Variants in TTBK1 observed in about 807,000 individuals in gnomAD.
TTBK1 encodes tau tubulin kinase 1.
Under a neutral mutation model 108.5 loss-of-function variants are expected in TTBK1, and 34 were observed. The ratio of observed to expected loss-of-function variants is 0.31; its 90% CI spans 0.24 to 0.42. The LOEUF (loss-of-function observed/expected upper bound fraction) is 0.42. Among genes scored for constraint, TTBK1 ranks in the 10% least tolerant of loss-of-function variants. TTBK1 has a pLI of 1.00. For missense variants in TTBK1, 1,539 were observed against 1,826.0 expected, an observed-to-expected ratio of 0.84 and a Z score of 2.86; for synonymous variants, 809 against 795.1, an observed-to-expected ratio of 1.02 and a Z score of -0.29.
intron 5 of TTBK1, 30 bp from the exon 6 acceptor site, chr6:43,254,517 C>T (rs778170064): frequency 6.6e-7 from 1 of 1,521,804 alleles, no homozygotes; most frequent in South Asian, 1.3e-5. Context: ...GGTTGGGGCC[C>T]CCAGAGCTCA....
At chr6:43,267,966 A>G (rs1777727942) in intron 13 of TTBK1, among the ~76,000 whole-genome samples, 1 of 152,230 alleles carries the variant, frequency 6.6e-6, no homozygotes, top group Non-Finnish European at 1.5e-5. Context: ...GTGGAGATGC[A>G]AAGGTCTAGA....
Position 43,285,428 on chromosome 6 carries a change from G to A in TTBK1, c.*52G>A. On this transcript the variant is annotated 3_prime_UTR_variant, in exon 15 of 15. Transcript: ENST00000259750. The surrounding 1 kb of genome is among the most constrained non-coding windows in gnomAD (Gnocchi z 4.7). ...CCACCCTCACCCCGGCCCCCCACCCGCAGCCGGCCACACTGGAGCAGCTCC... is the reference window on the plus strand; with the variant it reads ...CCACCCTCACCCCGGCCCCCCACCCACAGCCGGCCACACTGGAGCAGCTCC... The A allele has an allele frequency of 3.7e-6, 2 of 544,614 alleles. No homozygotes were observed. Among genetic ancestry groups the A allele is most frequent in the Non-Finnish European group, 2.5e-6 (1 of 400,240 alleles). 33.7% of individuals were successfully genotyped at this position (544,614 alleles called of 1,614,324 possible).
chr6:43,259,831 T>TCAGC lies in TTBK1; in HGVS notation c.1424+125_1424+126insCAGC. 9.7e-7 allele frequency: 1 copy of TCAGC among 1,028,670 alleles called. No homozygotes were observed. Among genetic ancestry groups the TCAGC allele is most frequent in the Non-Finnish European group, 1.4e-6 (1 of 730,704 alleles). The allele number at this position is 1,028,670 out of a possible 1,614,324, so 63.7% of individuals were successfully genotyped here. A position where few individuals can be genotyped will look rare whatever the true frequency, so the allele number is the denominator to read the frequency against. On this transcript the variant is annotated intron_variant, in intron 12 of 14. Transcript: ENST00000259750. The surrounding 1 kb of genome is among the most constrained non-coding windows in gnomAD (Gnocchi z 6.7). ...ACCCTGGGAAGTGCTGAGAGGGTTA[T>TCAGC]ACTTGGGCCTGGGGTCAGACTCAGT...
rs757552906 is a variant in TTBK1, at chr6:43,253,094, G to A, written c.257-197G>A. 1.3e-5 allele frequency among the ~76,000 whole-genome samples: 2 copies of A among 152,128 alleles called. No individual in the cohort carries two copies. Among genetic ancestry groups the A allele is most frequent in the African/African-American group, 4.8e-5 (2 of 41,418 alleles). On this transcript the variant is annotated intron_variant, in intron 3 of 14. Coordinates refer to ENST00000259750, the MANE Select transcript of TTBK1 (RefSeq NM_032538.3). The surrounding 1 kb of genome is among the most constrained non-coding windows in gnomAD (Gnocchi z 5.8). ...TAAGACAGTGATGGGGCAGGAGGCCGGGTTGGTGATCAAGGAAGTAATCGA... is the reference window on the plus strand; with the variant it reads ...TAAGACAGTGATGGGGCAGGAGGCCAGGTTGGTGATCAAGGAAGTAATCGA...
Position 43,278,304 on chromosome 6 carries a change from A to G in TTBK1, c.1987-4423A>G, listed in dbSNP as rs142914231. 1.4e-3 allele frequency among the ~76,000 whole-genome samples: 215 copies of G among 152,164 alleles called. 5 individuals are homozygous for G. The highest frequency in any genetic ancestry group is 0.012 in the Admixed American group (189 of 15,288). ...CTTGGGCTGGGCTCTTGAGCTGGTG[A>G]GGCCTAGCCCTCTAGATGAGGCACA... On this transcript the variant is annotated intron_variant, in intron 13 of 14. Transcript: ENST00000259750.
chr6:43,271,558 A>G (rs748303243), intron 13 of TTBK1: 2 of 985,084 alleles, frequency 2.0e-6, no homozygotes, highest in Non-Finnish European at 2.4e-6. Context: ...TGCTTGGCCC[A>G]TCAATTCCCC....
Position 43,265,362 on chromosome 6 carries a change from C to T in TTBK1, c.1986+2012C>T, listed in dbSNP as rs147317630. The stretch of plus-strand genomic sequence containing the variant: ...AGACCCCATCCCTATCTAGAGGTCC[C>T]TTCTAGAAGAGAGGACCTCTGAGCT... On this transcript the variant is annotated intron_variant, in intron 13 of 14. Transcript: ENST00000259750. This position sits in a 1 kb window ranked among gnomAD's most constrained non-coding sequence, Gnocchi z 4.1. Among the ~76,000 whole-genome samples, 6 of 152,284 alleles carry T rather than the reference C, an allele frequency of 3.9e-5. No individual in the cohort carries two copies. The East Asian group carries it at 1.2e-3, about 29-fold the overall frequency.
At chr6:43,270,090 A>G in intron 13 of TTBK1, 3 of 1,404,266 alleles carry the variant, frequency 2.1e-6, no homozygotes, top group Non-Finnish European at 9.2e-7. Context: ...GCCCCCCTAG[A>G]ACGTTGGCCC....
chr6:43,271,652 C>T, intron 13 of TTBK1: 1 of 985,348 alleles, frequency 1.0e-6, no homozygotes, highest in Non-Finnish European at 1.2e-6. Context: ...TGCCCTGGAG[C>T]CAAACTGTCC....
Position 43,282,227 on chromosome 6 carries a change from G to A in TTBK1, c.1987-500G>A, listed in dbSNP as rs1315514925. On this transcript the variant is annotated intron_variant, in intron 13 of 14. Coordinates refer to ENST00000259750, the MANE Select transcript of TTBK1 (RefSeq NM_032538.3). This position sits in a 1 kb window ranked among gnomAD's most constrained non-coding sequence, Gnocchi z 5.4. ...CTGCACACCCTGAGGTGGTACTGAGGGCATCTAGGAGCCAGCCCGGCACAG... is the reference window on the plus strand; with the variant it reads ...CTGCACACCCTGAGGTGGTACTGAGAGCATCTAGGAGCCAGCCCGGCACAG... Among the ~76,000 whole-genome samples the A allele has an allele frequency of 1.3e-5, 2 of 152,174 alleles. No homozygotes were observed. Among genetic ancestry groups the A allele is most frequent in the East Asian group, 3.9e-4 (2 of 5,192 alleles).
chr6:43,269,858 C>A lies in TTBK1; in HGVS notation c.1986+6508C>A. ...CGCCCCACCGGCGCCACGCGCCCCT[C>A]GCTGCTGGCAACCACAGACTCATGC... On this transcript the variant is annotated intron_variant, in intron 13 of 14. Coordinates refer to ENST00000259750, the MANE Select transcript of TTBK1 (RefSeq NM_032538.3). This position sits in a 1 kb window ranked among gnomAD's most constrained non-coding sequence, Gnocchi z 4.8. The A allele has an allele frequency of 6.5e-7, 1 of 1,533,840 alleles. No individual in the cohort carries two copies. Among genetic ancestry groups the A allele is most frequent in the Non-Finnish European group, 8.7e-7 (1 of 1,145,470 alleles).
chr6:43,270,784 TAGA>T lies in TTBK1; in HGVS notation c.1986+7437_1986+7439del, dbSNP rs375587679. On this transcript the variant is annotated intron_variant, in intron 13 of 14. Coordinates refer to ENST00000259750, the MANE Select transcript of TTBK1 (RefSeq NM_032538.3). ...AACTGAGCAACGAGGAGACCCAGCT[TAGA>T]AGCAGTGGCAGCTAAGGTGGTTGTT... is the stretch of plus-strand genomic sequence containing the variant. 5 of 985,454 alleles carry T rather than the reference TAGA, an allele frequency of 5.1e-6. No individual in the cohort carries two copies. In the African/African-American group the frequency reaches 8.7e-5, roughly 17 times the overall value. The allele number at this position is 985,454 out of a possible 1,614,324, so 61.0% of individuals were successfully genotyped here. A position where few individuals can be genotyped will look rare whatever the true frequency, so the allele number is the denominator to read the frequency against.
Position 43,284,039 on chromosome 6 carries a change from G to A in TTBK1, c.3299G>A (p.Arg1100His), listed in dbSNP as rs746608453. Residue 1100 changes from arginine (R) to histidine (H), a missense_variant, in exon 14 of 15, where the codon CGC becomes CAC. Transcript: ENST00000259750. ...ARLVMEKRQG[R>H]LLLRLASGAS... ...CTGGTGATGGAGAAGAGGCAGGGCC[G>A]CCTGCTGTTGCGGCTGGCCTCAGGG... The A allele has an allele frequency of 4.2e-5, 65 of 1,551,044 alleles. No homozygotes were observed. In the East Asian group the frequency reaches 1.0e-3, roughly 24 times the overall value.
At position 43,255,846 on chromosome 6, in the gene TTBK1, C is replaced by T; in HGVS notation, c.851C>T (p.Pro284Leu). 6.2e-7 allele frequency: 1 copy of T among 1,614,134 alleles called. No homozygotes were observed. Among genetic ancestry groups the T allele is most frequent in the Non-Finnish European group, 8.5e-7 (1 of 1,180,020 alleles). The change falls in exon 9 of 15, where the codon CCC becomes CTC. Residue 284 changes from proline to leucine, a missense_variant. This residue lies in a region of TTBK1 where 155 missense variants were observed against 348.5 expected (regional missense o/e 0.44). Transcript: ENST00000259750. ...GCCAGCCTCGACTACTTCACCAAGC[C>T]CGACTACCAGGTGGGAGCCTGCTAC... ...HIASLDYFTK[P>L]DYQLIMSVFE... is the part of the protein sequence containing the mutation.
chr6:43,273,352 G>T lies in TTBK1; in HGVS notation c.1987-9375G>T, dbSNP rs577775081. On this transcript the variant is annotated intron_variant, in intron 13 of 14. Transcript: ENST00000259750. The surrounding 1 kb of genome is among the most constrained non-coding windows in gnomAD (Gnocchi z 4.2). The stretch of plus-strand genomic sequence containing the variant: ...TTTCCCATTCCCACCTTGCCATGGG[G>T]TGGCATCCAGATGGGAGTCACTCCA... Among the ~76,000 whole-genome samples, 1 of 152,268 alleles carries T rather than the reference G, an allele frequency of 6.6e-6. No homozygotes were observed. The highest frequency in any genetic ancestry group is 1.9e-4 in the East Asian group (1 of 5,192).
intron 13 of TTBK1, among the ~76,000 whole-genome samples, chr6:43,274,413 G>A (rs1442710580): frequency 6.6e-6 from 1 of 152,098 alleles, no homozygotes; most frequent in Non-Finnish European, 1.5e-5. Context: ...GGCAGTGGTC[G>A]GGGGAGCCTT....
At position 43,276,038 on chromosome 6, in the gene TTBK1, C is replaced by A. The variant is rs1777979757; in HGVS notation, c.1987-6689C>A. 6.6e-6 allele frequency among the ~76,000 whole-genome samples: 1 copy of A among 151,864 alleles called. No individual in the cohort carries two copies. Among genetic ancestry groups the A allele is most frequent in the Non-Finnish European group, 1.5e-5 (1 of 67,952 alleles). The stretch of plus-strand genomic sequence containing the variant: ...GAGCCCCTTCCTGCGTAAGGAGACG[C>A]CTTCTAATTGCGGGGTGGGGGCGGA... On this transcript the variant is annotated intron_variant, in intron 13 of 14. Transcript: ENST00000259750. This position sits in a 1 kb window ranked among gnomAD's most constrained non-coding sequence, Gnocchi z 5.4.
At chr6:43,249,688 T>G (rs2150682205) in intron 2 of TTBK1, among the ~76,000 whole-genome samples, 1 of 152,134 alleles carries the variant, frequency 6.6e-6, no homozygotes, top group East Asian at 1.9e-4. Flanking sequence ...GCAATTCTTA[T>G]GCCTCAGCCT....
rs113460131 is a variant in TTBK1 at position 43,284,121 on chromosome 6, G to A, written c.3381G>A (p.Thr1127=). The change falls in exon 14 of 15, where the codon ACG becomes ACA. Residue 1127 remains threonine (T), a synonymous_variant. Transcript: ENST00000259750. The part of the protein sequence containing the change: ...QRRASETLSG[T]GSEEDTPASE... ...GTGCCTCTGAGACCCTCTCAGGCAC[G>A]GGCTCTGAGGAGGACACGCCCGCCT... is the stretch of plus-strand genomic sequence containing the variant. The A allele has an allele frequency of 5.3e-5, 82 of 1,539,556 alleles. No individual in the cohort carries two copies. In the East Asian group the frequency reaches 1.0e-3, roughly 20 times the overall value.
Sources: allele counts gnomAD v4.1 joint callset (sites outside exome capture counted in the v4.1 genomes callset), GRCh38; gene constraint gnomAD v4.1.1; regional missense constraint gnomAD v4.1.1; non-coding constraint Gnocchi (gnomAD v3.1); transcripts MANE v1.5; gene names NCBI Gene and HGNC (gene_info 2026-07-23, HGNC 2026-07-21).